Variants in JAZF1 observed in about 807,000 individuals in gnomAD.
JAZF1 encodes the protein juxtaposed with another zinc finger protein 1.
Under a neutral mutation model 26.4 loss-of-function variants are expected in JAZF1, and 8 were observed. The observed-to-expected ratio is 0.30, with a 90% CI of 0.18 to 0.55. JAZF1 has a LOEUF of 0.55. Among genes scored for constraint, JAZF1 ranks in the 20% least tolerant of loss-of-function variants. JAZF1 has a pLI of 0.94. For synonymous variants in JAZF1, 126 were observed against 122.3 expected, an observed-to-expected ratio of 1.03 and a Z score of -0.20; for missense variants, 199 against 322.0, an observed-to-expected ratio of 0.62 and a Z score of 2.92.
intron 1 of JAZF1, among the ~76,000 whole-genome samples, chr7:28,131,283 T>C (rs1206728846): frequency 1.3e-5 from 2 of 151,752 alleles, no homozygotes; most frequent in African/African-American, 2.4e-5. Context: ...CAAAAACAGA[T>C]GACCCTTAAA....
Position 27,895,408 on chromosome 7 carries a change from G to T in JAZF1, c.197C>A (p.Thr66Lys). The T allele has an allele frequency of 6.3e-7, 1 of 1,597,234 alleles. No individual in the cohort carries two copies. The part of the protein sequence containing the change: ...VALSYINRFM[T>K]DAARREQESL... ...CTCCTGCTCTCGGCGGGCAGCATCT[G>T]TCATGAATCTGAAACAATAATGGAA... Residue 66 changes from threonine (T) to lysine (K), a missense_variant, in exon 3 of 5, where the codon ACA becomes AAA. By Grantham distance (78) the Thr-to-Lys change is moderately conservative. Coordinates refer to ENST00000283928, the MANE Select transcript of JAZF1 (RefSeq NM_175061.4).
At chr7:27,907,858 T>C (rs1784289374) in intron 2 of JAZF1, among the ~76,000 whole-genome samples, 1 of 152,212 alleles carries the variant, frequency 6.6e-6, no homozygotes. Context: ...CACTCTTGCC[T>C]GTGCTGCTTT....
chr7:28,140,580 T>C (rs1349498467), intron 1 of JAZF1, among the ~76,000 whole-genome samples: 1 of 151,334 alleles, frequency 6.6e-6, no homozygotes, highest in Non-Finnish European at 1.5e-5. Context: ...GGAGAGAACA[T>C]GTATGCCCTT....
intron 3 of JAZF1, among the ~76,000 whole-genome samples, chr7:27,864,959 G>A (rs372726555): frequency 3.2e-4 from 48 of 152,260 alleles, no homozygotes; most frequent in African/African-American, 1.1e-3. Flanking sequence ...CCAGAGTCTC[G>A]AATAGTGCTC....
intron 1 of JAZF1, among the ~76,000 whole-genome samples, chr7:28,170,485 A>C (rs1392391158): frequency 6.6e-6 from 1 of 151,586 alleles, no homozygotes; most frequent in African/African-American, 2.4e-5. Flanking sequence ...GAGAGAGAAA[A>C]CCAGTTAGCG....
intron 2 of JAZF1, among the ~76,000 whole-genome samples, chr7:27,927,507 G>A (rs1036814661): frequency 6.6e-6 from 1 of 152,064 alleles, no homozygotes; most frequent in African/African-American, 2.4e-5. Context: ...GTTGTTGTAT[G>A]CATTAAATCA....
intron 2 of JAZF1, among the ~76,000 whole-genome samples, chr7:27,981,413 A>C (rs1313372128): frequency 6.6e-6 from 1 of 152,232 alleles, no homozygotes; most frequent in African/African-American, 2.4e-5. Flanking sequence ...TTGGGATGCT[A>C]GACTAGACTG....
chr7:27,862,511 A>G (rs918813522), intron 3 of JAZF1, among the ~76,000 whole-genome samples: 25 of 151,654 alleles, frequency 1.6e-4, no homozygotes, highest in Non-Finnish European at 3.2e-4. Context: ...ATATTCACAG[A>G]GTAGTGCAGC....
intron 2 of JAZF1, among the ~76,000 whole-genome samples, chr7:27,908,183 G>A (rs1363587044): frequency 6.6e-6 from 1 of 152,224 alleles, no homozygotes; most frequent in Non-Finnish European, 1.5e-5. Context: ...TTCATGAAAT[G>A]TAATTATGTA....
rs1265343481 is a variant in JAZF1 at position 27,895,225 on chromosome 7, G to A, written c.380C>T (p.Pro127Leu). Reference sequence around the variant, plus strand: ...GGTAGGGCCAGGCCACTCACCTGTCGGAGTGCTGCTGCGGAATGAAGAGGA... The same window carrying A: ...GGTAGGGCCAGGCCACTCACCTGTCAGAGTGCTGCTGCGGAATGAAGAGGA... ...TPSSSFRSST[P>L]TGSEYDEEEV... The change falls in exon 3 of 5, where the codon CCG (proline) becomes CTG (leucine). Residue 127 changes from proline to leucine, a missense_variant. By Grantham distance (98) the Pro-to-Leu change is moderately conservative. Around this residue, in one of 2 missense-constraint regions of JAZF1, gnomAD observed 137 missense variants for 184.8 expected, o/e 0.74. Transcript: ENST00000283928. 1.3e-6 allele frequency: 2 copies of A among 1,595,980 alleles called. No individual in the cohort carries two copies. Among genetic ancestry groups the A allele is most frequent in the Non-Finnish European group, 1.7e-6 (2 of 1,170,966 alleles).
At chr7:28,054,276 G>C (rs1714009111) in intron 1 of JAZF1, among the ~76,000 whole-genome samples, 1 of 152,144 alleles carries the variant, frequency 6.6e-6, no homozygotes, top group Non-Finnish European at 1.5e-5. Context: ...CCCCATAGTA[G>C]TTATAGAAGT....
At position 28,110,609 on chromosome 7, in the gene JAZF1, GAAAGGA is replaced by G. The variant is rs1362043619; in HGVS notation, c.115+69848_115+69853del. Among the ~76,000 whole-genome samples the G allele has an allele frequency of 3.0e-4, 13 of 43,642 alleles. 1 individual carries two copies. Among genetic ancestry groups the G allele is most frequent in the East Asian group, 1.7e-3 (2 of 1,180 alleles). The allele number at this position is 43,642 out of a possible 152,430, so 28.6% of individuals were successfully genotyped here. A position where few individuals can be genotyped will look rare whatever the true frequency, so the allele number is the denominator to read the frequency against. On this transcript the variant is annotated intron_variant, in intron 1 of 4. Coordinates refer to ENST00000283928, the MANE Select transcript of JAZF1 (RefSeq NM_175061.4). Reference sequence around the variant, plus strand: ...GGAAAAGGAAAAGGAAAAGGAAAAGGAAAGGAAAAGGAAAGGAAAGGAAAGGAAAAG... The same window carrying G: ...GGAAAAGGAAAAGGAAAAGGAAAAGGAAAGGAAAGGAAAGGAAAGGAAAAG...
intron 2 of JAZF1, among the ~76,000 whole-genome samples, chr7:27,902,638 TTAAG>T (rs1156845057): frequency 1.3e-5 from 2 of 152,324 alleles, no homozygotes; most frequent in African/African-American, 2.4e-5. Context: ...GTGGTGAGGA[TTAAG>T]TAAGTTAATA....
intron 2 of JAZF1, among the ~76,000 whole-genome samples, chr7:27,942,952 C>T (rs574698221): frequency 3.9e-5 from 6 of 152,146 alleles, no homozygotes; most frequent in Non-Finnish European, 7.3e-5. Flanking sequence ...TGACCTCAAG[C>T]GTGATCAGCC....
chr7:27,861,600 G>GTTGT (rs3073727), intron 3 of JAZF1, among the ~76,000 whole-genome samples: 109,549 of 150,876 alleles, frequency 0.73, 40,359 homozygotes, highest in African/African-American at 0.86. Flanking sequence ...GGAGAAGGTT[G>GTTGT]TTGTTTTTAT....
At chr7:27,964,664 A>G (rs977761616) in intron 2 of JAZF1, among the ~76,000 whole-genome samples, 5 of 151,220 alleles carry the variant, frequency 3.3e-5, no homozygotes, top group Non-Finnish European at 7.4e-5. Flanking sequence ...AATGGCTGAC[A>G]CAGTATATTA....
At chr7:27,924,592 G>T (rs1001436326) in intron 2 of JAZF1, among the ~76,000 whole-genome samples, 1 of 152,282 alleles carries the variant, frequency 6.6e-6, no homozygotes, top group South Asian at 2.1e-4. Flanking sequence ...TTCTAAAGCT[G>T]CTTCTCATGG....
chr7:28,124,944 T>C (rs1021997413), intron 1 of JAZF1, among the ~76,000 whole-genome samples: 5 of 152,178 alleles, frequency 3.3e-5, no homozygotes, highest in African/African-American at 1.2e-4. Flanking sequence ...GCAGGGTCTA[T>C]TATGTAAAAT....
At chr7:28,023,783 C>T (rs1783045358) in intron 1 of JAZF1, among the ~76,000 whole-genome samples, 2 of 152,148 alleles carry the variant, frequency 1.3e-5, no homozygotes, top group South Asian at 4.1e-4. Flanking sequence ...GACAGGTAGA[C>T]AGACAATGAC....
Sources: gnomAD v4.1 joint callset for allele counts (sites outside exome capture counted in the v4.1 genomes callset) on GRCh38, gnomAD v4.1.1 for gene constraint, gnomAD v4.1.1 regional missense constraint, MANE v1.5 for transcripts, NCBI Gene and HGNC (gene_info 2026-07-23, HGNC 2026-07-21) for gene names.